Variants in CRACDL observed in about 807,000 individuals in gnomAD.
CRACDL encodes the protein CRACD-like protein.
Under a neutral mutation model 70.6 loss-of-function variants are expected in CRACDL, and 26 were observed. That is an observed-to-expected ratio of 0.37 (90% CI 0.27 to 0.51). The LOEUF is 0.51. Ranked by LOEUF, CRACDL falls within the 20% of genes least tolerant of loss-of-function variation. CRACDL has a pLI of 0.94. For synonymous variants in CRACDL, 618 were observed against 615.2 expected, an observed-to-expected ratio of 1.00 and a Z score of -0.07; for missense variants, 1,283 against 1,376.9, an observed-to-expected ratio of 0.93 and a Z score of 1.08.
At chr2:98,883,582 C>T (rs1441169130) in intron 1 of CRACDL, among the ~76,000 whole-genome samples, 1 of 152,196 alleles carries the variant, frequency 6.6e-6, no homozygotes, top group Admixed American at 6.5e-5. Context: ...CAGCATATTG[C>T]TCCCACTGGT....
chr2:98,819,438 T>C (rs1704930082), intron 7 of CRACDL, among the ~76,000 whole-genome samples: 1 of 152,244 alleles, frequency 6.6e-6, no homozygotes. Context: ...ATAGCTTCAA[T>C]AACCTCAATG....
At chr2:98,913,843 G>C (rs905745467) in intron 1 of CRACDL, among the ~76,000 whole-genome samples, 59 of 152,322 alleles carry the variant, frequency 3.9e-4, no homozygotes, top group Admixed American at 1.6e-3. Context: ...GAGAGCCCTG[G>C]CAAGGCACCT....
intron 1 of CRACDL, among the ~76,000 whole-genome samples, chr2:98,905,203 TTG>T (rs1708378142): frequency 6.7e-6 from 1 of 148,394 alleles, no homozygotes; most frequent in Admixed American, 6.7e-5. Context: ...TGAGCCGAGA[TTG>T]CACCACTGCA....
At chr2:98,928,381 G>A (rs1442055073) in intron 1 of CRACDL, among the ~76,000 whole-genome samples, 2 of 152,150 alleles carry the variant, frequency 1.3e-5, no homozygotes, top group Non-Finnish European at 2.9e-5. Flanking sequence ...AGGCTTGATG[G>A]TACAGACAGT....
chr2:98,891,880 G>A (rs1707990129), intron 1 of CRACDL, among the ~76,000 whole-genome samples: 2 of 152,122 alleles, frequency 1.3e-5, no homozygotes, highest in Admixed American at 1.3e-4. Flanking sequence ...TTTATAAAGA[G>A]GTCCTATAAA....
rs1390243148 is a variant in CRACDL, at chr2:98,822,345, C to T, written c.1928G>A (p.Arg643Lys). The T allele has an allele frequency of 2.7e-6, 4 of 1,461,280 alleles. No individual in the cohort carries two copies. The highest frequency in any genetic ancestry group is 3.6e-6 in the Non-Finnish European group (4 of 1,117,912). 90.5% of individuals were successfully genotyped at this position (1,461,280 alleles called of 1,614,324 possible). A position where few individuals can be genotyped will look rare whatever the true frequency, so the allele number is the denominator to read the frequency against. Residue 643 changes from arginine (R) to lysine (K), a missense_variant, in exon 7 of 10, where the codon AGG (arginine) becomes AAG (lysine). Coordinates refer to ENST00000397899, the MANE Select transcript of CRACDL (RefSeq NM_207362.3). The surrounding 1 kb of genome is among the most constrained non-coding windows in gnomAD (Gnocchi z 4.9). The stretch of plus-strand genomic sequence containing the variant: ...GCGCGGCCCGGCCGGGCTGGCCGCC[C>T]TGTCCCCCGAGTCCTGAGGGCCGCG... ...AERGPQDSGDRAASPAGPRKS... is the reference protein window; with the variant it reads ...AERGPQDSGDKAASPAGPRKS...
In CRACDL at chr2:98,821,917, C is replaced by A; in HGVS notation, c.2356G>T (p.Glu786Ter). 3 of 1,594,348 alleles carry A rather than the reference C, an allele frequency of 1.9e-6. No homozygotes were observed. The highest frequency in any genetic ancestry group is 2.6e-6 in the Non-Finnish European group (3 of 1,174,374). The change falls in exon 7 of 10, where the codon GAG (glutamate) becomes TAG (stop). Residue 786 changes from glutamate (E) to a stop codon, truncating the protein, a stop_gained. Coordinates refer to ENST00000397899, the MANE Select transcript of CRACDL (RefSeq NM_207362.3). LOFTEE classifies it high-confidence loss of function. ...QPAPPDAGPGEREPRKEPRTA... is the reference protein window; with the variant it reads ...QPAPPDAGPG ...CTGGGCTCCTTCCTGGGTTCCCGCTCTCCCGGGCCGGCGTCGGGGGGCGCG... is the reference window on the plus strand; with the variant it reads ...CTGGGCTCCTTCCTGGGTTCCCGCTATCCCGGGCCGGCGTCGGGGGGCGCG...
chr2:98,890,944 C>T (rs574762959), intron 1 of CRACDL, among the ~76,000 whole-genome samples: 1 of 152,006 alleles, frequency 6.6e-6, no homozygotes, highest in Non-Finnish European at 1.5e-5. Flanking sequence ...GTAATCCCAG[C>T]TACTTGGGAG....
chr2:98,838,253 C>T lies in CRACDL; in HGVS notation c.105G>A (p.Lys35=), dbSNP rs1705879556. 1 of 1,610,816 alleles carries T rather than the reference C, an allele frequency of 6.2e-7. No individual in the cohort carries two copies. Among genetic ancestry groups the T allele is most frequent in the Non-Finnish European group, 8.5e-7 (1 of 1,177,988 alleles). Reference sequence around the variant, plus strand: ...CTTTTCTCTTCTTCTTCCCAAAAAACTTCTTAAAAGTTTTGAATTTAGATT... The same window carrying T: ...CTTTTCTCTTCTTCTTCCCAAAAAATTTCTTAAAAGTTTTGAATTTAGATT... The part of the protein sequence containing the change: ...KKKSKFKTFK[K]FFGKKKRKES... The change falls in exon 3 of 10, where the codon AAG becomes AAA. Residue 35 remains lysine, a synonymous_variant. Coordinates refer to ENST00000397899, the MANE Select transcript of CRACDL (RefSeq NM_207362.3).
intron 1 of CRACDL, among the ~76,000 whole-genome samples, chr2:98,926,117 CACTT>C (rs1056394641): frequency 1.7e-4 from 26 of 152,172 alleles, no homozygotes; most frequent in Admixed American, 1.2e-3. Context: ...GCACAATCAA[CACTT>C]ACCCCTCAAA....
rs766857080 is a variant in CRACDL at position 98,823,418 on chromosome 2, C to T, written c.855G>A (p.Val285=). 4 of 1,570,704 alleles carry T rather than the reference C, an allele frequency of 2.5e-6. No individual in the cohort carries two copies. Among genetic ancestry groups the T allele is most frequent in the Non-Finnish European group, 1.7e-6 (2 of 1,166,570 alleles). ...CAGGCTCAGGGCCTCTGTCTGGCGC[C>T]ACGTCCTGCTGCCCAGAGCTGGGGC... is the stretch of plus-strand genomic sequence containing the variant. The part of the protein sequence containing the change: ...EERPSSGQQD[V]APDRGPEPGP... Residue 285 remains valine, a synonymous_variant, in exon 7 of 10, where the codon GTG becomes GTA. Transcript: ENST00000397899. This position sits in a 1 kb window ranked among gnomAD's most constrained non-coding sequence, Gnocchi z 4.0.
At chr2:98,888,906 G>A (rs866024103) in intron 1 of CRACDL, among the ~76,000 whole-genome samples, 1 of 152,150 alleles carries the variant, frequency 6.6e-6, no homozygotes, top group Non-Finnish European at 1.5e-5. Context: ...AAGGCAGGTG[G>A]ATCATGAGGT....
intron 1 of CRACDL, among the ~76,000 whole-genome samples, chr2:98,935,076 A>G (rs953725587): frequency 6.6e-6 from 1 of 152,180 alleles, no homozygotes; most frequent in Non-Finnish European, 1.5e-5. Context: ...GGAAAATACC[A>G]GGGGTCTACA....
intron 1 of CRACDL, among the ~76,000 whole-genome samples, chr2:98,932,158 C>A (rs1709094143): frequency 6.6e-6 from 1 of 152,218 alleles, no homozygotes; most frequent in Non-Finnish European, 1.5e-5. Context: ...GTGACACCAG[C>A]AGTACCGGTG....
chr2:98,902,843 C>T (rs1187429455), intron 1 of CRACDL, among the ~76,000 whole-genome samples: 3 of 152,128 alleles, frequency 2.0e-5, no homozygotes, highest in African/African-American at 7.2e-5. Context: ...GTCTTCTCTC[C>T]CAAGGTAGGC....
intron 7 of CRACDL, among the ~76,000 whole-genome samples, chr2:98,815,789 G>A (rs1704760756): frequency 6.6e-6 from 1 of 152,130 alleles, no homozygotes; most frequent in Admixed American, 6.5e-5. Context: ...GTGAGGGGTT[G>A]GCCACTTCAC....
chr2:98,838,513 C>G (rs1705891763), intron 2 of CRACDL, among the ~76,000 whole-genome samples: 2 of 152,040 alleles, frequency 1.3e-5, no homozygotes, highest in African/African-American at 4.8e-5. Flanking sequence ...ATAAAAGACA[C>G]AAGAACACTT....
At chr2:98,810,620 A>G (rs573581709) in intron 7 of CRACDL, among the ~76,000 whole-genome samples, 81 of 152,296 alleles carry the variant, frequency 5.3e-4, no homozygotes, top group Non-Finnish European at 8.7e-4. Flanking sequence ...GGAGGAAAAA[A>G]AACACTGACG....
At chr2:98,866,499 T>TA (rs1271090143) in intron 1 of CRACDL, among the ~76,000 whole-genome samples, 2 of 120,326 alleles carry the variant, frequency 1.7e-5, no homozygotes, top group East Asian at 4.3e-4. Context: ...TTTTTTTTTT[T>TA]TTTTTGAGAC....
Sources: allele counts gnomAD v4.1 joint callset (sites outside exome capture counted in the v4.1 genomes callset), GRCh38; gene constraint gnomAD v4.1.1; non-coding constraint Gnocchi (gnomAD v3.1); transcripts MANE v1.5; gene names NCBI Gene and HGNC (gene_info 2026-07-23, HGNC 2026-07-21).